Variants in HSPA4L observed in about 807,000 individuals in gnomAD.
HSPA4L encodes heat shock protein family A (Hsp70) member 4 like.
A neutral mutation model predicts 100.3 loss-of-function variants in HSPA4L; 48 were observed. That is an observed-to-expected ratio of 0.48 (90% confidence interval 0.38 to 0.61). The LOEUF (loss-of-function observed/expected upper bound fraction) is 0.61. HSPA4L is among the 20% of genes least tolerant of loss of function. The pLI, the probability that HSPA4L is intolerant of heterozygous loss-of-function variation, is 0.00. For synonymous variants in HSPA4L, 319 were observed against 328.2 expected (o/e 0.97, Z 0.30); for missense variants, 886 against 988.6 (o/e 0.90, Z 1.39).
intron 12 of HSPA4L, 123 bp downstream of exon 12, chr4:127,811,759 G>A: frequency 1.5e-6 from 1 of 687,578 alleles, no homozygotes; most frequent in South Asian, 1.9e-5. Context: ...ATTTTCTGCT[G>A]TGGGAATCTG....
At chr4:127,795,423 G>A (rs915826940) in intron 2 of HSPA4L, among the ~76,000 whole-genome samples, 2 of 152,104 alleles carry the variant, frequency 1.3e-5, no homozygotes, top group South Asian at 2.1e-4. Flanking sequence ...TGTTCAGCTC[G>A]TACTAATTCA....
intron 16 of HSPA4L, 122 bp downstream of exon 16, chr4:127,823,746 A>C (rs1733874700): frequency 1.6e-6 from 1 of 615,408 alleles, no homozygotes. Flanking sequence ...AATTGTATAT[A>C]TTTGTGGTGT....
chr4:127,813,411 A>AT lies in HSPA4L; in HGVS notation c.1578+1776dup, dbSNP rs1207390890. ...GCTTTTTCTTTCAATCTTTCCATGT[A>AT]TCATTTTGTAATCGCTTTCTTATTT... On this transcript the variant is annotated intron_variant, in intron 12 of 18. Coordinates refer to ENST00000296464, the MANE Select transcript of HSPA4L (RefSeq NM_014278.4). 24 of 453,474 alleles carry AT rather than the reference A, an allele frequency of 5.3e-5. No individual in the cohort carries two copies. In the East Asian group the frequency reaches 8.1e-4, roughly 15 times the overall value. The allele number at this position is 453,474 out of a possible 1,614,324, so 28.1% of individuals were successfully genotyped here. A position where few individuals can be genotyped will look rare whatever the true frequency, so the allele number is the denominator to read the frequency against.
intron 15 of HSPA4L, 40 bp downstream of exon 15, chr4:127,822,934 A>G: frequency 6.3e-7 from 1 of 1,584,074 alleles, no homozygotes. Context: ...AGGACTATTT[A>G]AAGGTTTACT....
At chr4:127,801,267 T>C in intron 5 of HSPA4L, 30 bp downstream of exon 5, 1 of 1,435,980 alleles carries the variant, frequency 7.0e-7, no homozygotes, top group Non-Finnish European at 9.7e-7. Flanking sequence ...AAAATCACTA[T>C]AAGCAAAATA....
Position 127,832,936 on chromosome 4 carries a change from C to T in HSPA4L, c.*62C>T, listed in dbSNP as rs965155280. 2 of 1,207,618 alleles carry T rather than the reference C, an allele frequency of 1.7e-6. No homozygotes were observed. Among genetic ancestry groups the T allele is most frequent in the Non-Finnish European group, 1.2e-6 (1 of 859,874 alleles). The allele number at this position is 1,207,618 out of a possible 1,614,324, so 74.8% of individuals were successfully genotyped here. Reference sequence around the variant, plus strand: ...AAGTAACCACGGGGTCCATCTTTTACATCTGGTACACACAACAGACGCTCA... The same window carrying T: ...AAGTAACCACGGGGTCCATCTTTTATATCTGGTACACACAACAGACGCTCA... On this transcript the variant is annotated 3_prime_UTR_variant, in exon 19 of 19. Transcript: ENST00000296464.
At chr4:127,784,866 T>C (rs1031432451) in intron 1 of HSPA4L, among the ~76,000 whole-genome samples, 4 of 152,248 alleles carry the variant, frequency 2.6e-5, no homozygotes, top group Non-Finnish European at 5.9e-5. Context: ...ATAAATAAAA[T>C]GTTAGCTTTG....
intron 1 of HSPA4L, chr4:127,783,433 G>T: frequency 7.8e-7 from 1 of 1,281,490 alleles, no homozygotes; most frequent in Non-Finnish European, 1.0e-6. Context: ...CAGCTGTCCC[G>T]TATAAACATG....
chr4:127,785,806 T>A (rs985288847), intron 1 of HSPA4L, among the ~76,000 whole-genome samples: 2 of 152,212 alleles, frequency 1.3e-5, no homozygotes, highest in Admixed American at 6.5e-5. Context: ...GTCTGTATAA[T>A]CATGATAATT....
chr4:127,825,020 G>C lies in HSPA4L; in HGVS notation c.2046+1396G>C, dbSNP rs566375452. Among the ~76,000 whole-genome samples, 350 of 151,978 alleles carry C rather than the reference G, an allele frequency of 2.3e-3. 1 individual carries two copies. The highest frequency in any genetic ancestry group is 7.9e-3 in the African/African-American group (326 of 41,456). ...CTGAGCGTGGTGGCGGGCACCTGTA[G>C]TCCCAGCTACTCTGGAGGCTGAGGC... is the stretch of plus-strand genomic sequence containing the variant. On this transcript the variant is annotated intron_variant, in intron 16 of 18. Transcript: ENST00000296464.
chr4:127,818,972 T>C (rs1733744198), intron 13 of HSPA4L, among the ~76,000 whole-genome samples: 1 of 152,174 alleles, frequency 6.6e-6, no homozygotes, highest in African/African-American at 2.4e-5. Context: ...TTATTTCTCA[T>C]GTTTCACCAA....
intron 1 of HSPA4L, chr4:127,783,405 A>G: frequency 9.9e-7 from 1 of 1,013,260 alleles, no homozygotes; most frequent in South Asian, 2.3e-5. Flanking sequence ...CTGCAGAGTG[A>G]ATTGCCGGAG....
chr4:127,803,024 G>T (rs1733236593), intron 6 of HSPA4L, among the ~76,000 whole-genome samples: 1 of 152,100 alleles, frequency 6.6e-6, no homozygotes, highest in Non-Finnish European at 1.5e-5. Context: ...CTGTAGTGTT[G>T]AATTTCTATG....
chr4:127,783,677 A>G (rs1385000717), intron 1 of HSPA4L: 1 of 1,535,502 alleles, frequency 6.5e-7, no homozygotes, highest in East Asian at 2.4e-5. Flanking sequence ...CTTTTTATGG[A>G]AAGGTAATTT....
rs1734211433 is a variant in HSPA4L at position 127,836,366 on chromosome 4, CAAAAA to C, written c.*3493_*3497del. 1.3e-5 allele frequency: 2 copies of C among 158,922 alleles called. No homozygotes were observed. Among genetic ancestry groups the C allele is most frequent in the Non-Finnish European group, 2.7e-5 (2 of 74,364 alleles). 9.8% of individuals were successfully genotyped at this position (158,922 alleles called of 1,614,324 possible). On this transcript the variant is annotated 3_prime_UTR_variant, in exon 19 of 19. Coordinates refer to ENST00000296464, the MANE Select transcript of HSPA4L (RefSeq NM_014278.4). ...TGGGCAACAGAGCAAGACTCCATCT[CAAAAA>C]CAAAACAAAACAAAAACATAAAAGG...
chr4:127,795,008 T>A (rs1732978698), intron 2 of HSPA4L, among the ~76,000 whole-genome samples: 1 of 152,150 alleles, frequency 6.6e-6, no homozygotes, highest in Non-Finnish European at 1.5e-5. Context: ...GATACTTTCA[T>A]TTAGCACTAT....
At chr4:127,820,605 T>C (rs765038337) in intron 14 of HSPA4L, 40 bp downstream of exon 14, 13 of 1,573,134 alleles carry the variant, frequency 8.3e-6, no homozygotes, top group Non-Finnish European at 1.1e-5. Context: ...GGTGGTAGTT[T>C]ATTCTGAAAT....
chr4:127,822,118 ACTGT>A (rs1330913333), intron 14 of HSPA4L, among the ~76,000 whole-genome samples: 1 of 152,126 alleles, frequency 6.6e-6, no homozygotes, highest in East Asian at 1.9e-4. Flanking sequence ...ATCCATCACC[ACTGT>A]CTATTTTCAA....
At chr4:127,815,171 ATT>A (rs1202928170) in intron 12 of HSPA4L, among the ~76,000 whole-genome samples, 1 of 151,896 alleles carries the variant, frequency 6.6e-6, no homozygotes, top group African/African-American at 2.4e-5. Flanking sequence ...ATGAAAGACT[ATT>A]TTGTATGTGT....
Sources: gnomAD v4.1 joint callset for allele counts (sites outside exome capture counted in the v4.1 genomes callset) on GRCh38, gnomAD v4.1.1 for gene constraint, MANE v1.5 for transcripts, NCBI Gene and HGNC (gene_info 2026-07-23, HGNC 2026-07-21) for gene names.